Variants in THSD4 observed in about 807,000 individuals in gnomAD.
The protein encoded by THSD4 is thrombospondin type 1 domain containing 4, also known as thrombospondin type-1 domain-containing protein 4.
THSD4 carries 69 observed loss-of-function variants against 119.0 expected under a neutral mutation model. The observed-to-expected ratio is 0.58, with a 90% confidence interval of 0.48 to 0.71. The LOEUF is 0.71. Among genes scored for constraint, THSD4 ranks in the 30% least tolerant of loss-of-function variants. The probability of loss-of-function intolerance (pLI) is 0.00; values close to 1 mark genes in which losing one functional copy is unlikely to be tolerated. For synonymous variants in THSD4, 524 were observed against 540.4 expected, an observed-to-expected ratio of 0.97 and a Z score of 0.42; for missense variants, 1,393 against 1,391.1, an observed-to-expected ratio of 1.00 and a Z score of -0.02.
chr15:71,602,619 A>G lies in THSD4; in HGVS notation c.1153-57911A>G, dbSNP rs189250910. ...CAGTCTCTATCCCCACAGCAATCCT[A>G]TAAGGTAAATGTTACGTTCAGTTTA... is the stretch of plus-strand genomic sequence containing the variant. On this transcript the variant is annotated intron_variant, in intron 7 of 17. Transcript: ENST00000261862. 3.3e-5 allele frequency among the ~76,000 whole-genome samples: 5 copies of G among 151,020 alleles called. 1 individual carries two copies. The highest frequency in any genetic ancestry group is 3.9e-4 in the East Asian group (2 of 5,150).
chr15:71,287,190 G>C (rs28757589), intron 6 of THSD4, among the ~76,000 whole-genome samples: 1 of 152,006 alleles, frequency 6.6e-6, no homozygotes, highest in Non-Finnish European at 1.5e-5. Context: ...AAATACTTAG[G>C]ATGTAAAAGT....
At position 71,208,291 on chromosome 15, in the gene THSD4, C is replaced by T. The variant is rs550255228; in HGVS notation, c.100-6744C>T. 6.6e-5 allele frequency among the ~76,000 whole-genome samples: 10 copies of T among 152,206 alleles called. 1 individual carries two copies. In the South Asian group the frequency reaches 1.9e-3, roughly 28 times the overall value. On this transcript the variant is annotated intron_variant, in intron 3 of 17. Coordinates refer to ENST00000261862, the MANE Select transcript of THSD4 (RefSeq NM_024817.3). Reference sequence around the variant, plus strand: ...ATATATATTTATGCAAATGTCCCTGCCTAACATTAACCAACACTTCCATAG... The same window carrying T: ...ATATATATTTATGCAAATGTCCCTGTCTAACATTAACCAACACTTCCATAG...
At chr15:71,353,628 G>GC (rs1481549899) in intron 6 of THSD4, among the ~76,000 whole-genome samples, 35 of 152,282 alleles carry the variant, frequency 2.3e-4, no homozygotes, top group African/African-American at 7.5e-4. Context: ...ATTCCCATGT[G>GC]CAGCTTTTCT....
intron 6 of THSD4, among the ~76,000 whole-genome samples, chr15:71,404,432 C>G (rs1010309687): frequency 2.6e-5 from 4 of 152,160 alleles, no homozygotes; most frequent in Non-Finnish European, 5.9e-5. Flanking sequence ...TTAATGCTTC[C>G]TGTTGTCAAA....
At chr15:71,349,449 C>T (rs1470810728) in intron 6 of THSD4, among the ~76,000 whole-genome samples, 1 of 152,130 alleles carries the variant, frequency 6.6e-6, no homozygotes, top group African/African-American at 2.4e-5. Flanking sequence ...CCATCTCCCC[C>T]TGCCCCTATC....
chr15:71,589,744 A>T (rs2049759039), intron 7 of THSD4, among the ~76,000 whole-genome samples: 1 of 139,752 alleles, frequency 7.2e-6, no homozygotes, highest in Middle Eastern at 3.4e-3. Context: ...CACAGAGACG[A>T]GTACAATAAT....
At chr15:71,684,697 T>A (rs1326385950) in intron 8 of THSD4, among the ~76,000 whole-genome samples, 1 of 152,180 alleles carries the variant, frequency 6.6e-6, no homozygotes, top group African/African-American at 2.4e-5. Flanking sequence ...TTGGGATTTT[T>A]AAAATCTGTA....
intron 7 of THSD4, among the ~76,000 whole-genome samples, chr15:71,466,908 C>G (rs2047508929): frequency 6.6e-6 from 1 of 152,244 alleles, no homozygotes; most frequent in Non-Finnish European, 1.5e-5. Flanking sequence ...TCAAGGGCCT[C>G]TGGCCTCAGC....
At chr15:71,126,113 G>A (rs1376495415) in intron 1 of THSD4, among the ~76,000 whole-genome samples, 3 of 152,220 alleles carry the variant, frequency 2.0e-5, no homozygotes, top group Non-Finnish European at 2.9e-5. Flanking sequence ...CTTGTTTGAC[G>A]TCCAGCAATC....
intron 7 of THSD4, among the ~76,000 whole-genome samples, chr15:71,587,705 A>G (rs905995024): frequency 7.4e-6 from 1 of 135,354 alleles, no homozygotes; most frequent in African/African-American, 2.6e-5. Flanking sequence ...GCGCACCAGC[A>G]TGGCACATGT....
chr15:71,454,695 A>C (rs1366848516), intron 7 of THSD4, among the ~76,000 whole-genome samples: 1 of 152,268 alleles, frequency 6.6e-6, no homozygotes, highest in Non-Finnish European at 1.5e-5. Context: ...CTAAGTGGTC[A>C]GAAAGGTAAT....
chr15:71,566,328 T>TG (rs1480681435), intron 7 of THSD4, among the ~76,000 whole-genome samples: 2 of 152,138 alleles, frequency 1.3e-5, no homozygotes, highest in Non-Finnish European at 2.9e-5. Context: ...CAGAAGTCTG[T>TG]GGTCAGAGGC....
chr15:71,411,681 T>G lies in THSD4; in HGVS notation c.1016-6T>G, dbSNP rs1299608333. On this transcript the variant is annotated splice_polypyrimidine_tract_variant and splice_region_variant and intron_variant, in intron 6 of 17. Coordinates refer to ENST00000261862, the MANE Select transcript of THSD4 (RefSeq NM_024817.3). The stretch of plus-strand genomic sequence containing the variant: ...TATTTTATTTTATTTCATTTTACTT[T>G]GGTAGTAAAAGGCAATCGCAAATGT... 2 of 1,613,100 alleles carry G rather than the reference T, an allele frequency of 1.2e-6. No individual in the cohort carries two copies. The highest frequency in any genetic ancestry group is 2.7e-5 in the African/African-American group (2 of 74,920).
intron 4 of THSD4, among the ~76,000 whole-genome samples, chr15:71,220,632 C>G (rs780041971): frequency 1.3e-5 from 2 of 152,116 alleles, no homozygotes; most frequent in South Asian, 4.2e-4. Context: ...TCAAAGTGAA[C>G]GCTGTAACTC....
chr15:71,485,470 G>C (rs1595814744), intron 7 of THSD4, among the ~76,000 whole-genome samples: 1 of 152,216 alleles, frequency 6.6e-6, no homozygotes, highest in East Asian at 1.9e-4. Context: ...TTCAGTGGTA[G>C]AAGAGGAACT....
At chr15:71,621,216 G>A (rs539491199) in intron 7 of THSD4, among the ~76,000 whole-genome samples, 7 of 152,186 alleles carry the variant, frequency 4.6e-5, no homozygotes, top group African/African-American at 1.4e-4. Context: ...TGTGTGAGAG[G>A]TACTAATAAA....
chr15:71,155,702 G>C (rs1348987072), intron 3 of THSD4, among the ~76,000 whole-genome samples: 1 of 152,194 alleles, frequency 6.6e-6, no homozygotes, highest in African/African-American at 2.4e-5. Context: ...GGCAGGGATA[G>C]AGCTGCAGCT....
intron 6 of THSD4, among the ~76,000 whole-genome samples, chr15:71,299,677 A>C (rs957171885): frequency 6.6e-6 from 1 of 152,172 alleles, no homozygotes; most frequent in Non-Finnish European, 1.5e-5. Flanking sequence ...AATTACTAAA[A>C]GAGTAGACTT....
intron 8 of THSD4, among the ~76,000 whole-genome samples, chr15:71,675,346 T>C (rs142838473): frequency 6.6e-6 from 1 of 152,372 alleles, no homozygotes; most frequent in African/African-American, 2.4e-5. Flanking sequence ...AGCTCGGTAC[T>C]TAAATATATT....
Sources: allele counts gnomAD v4.1 joint callset (sites outside exome capture counted in the v4.1 genomes callset), GRCh38; gene constraint gnomAD v4.1.1; transcripts MANE v1.5; gene names NCBI Gene and HGNC (gene_info 2026-07-23, HGNC 2026-07-21).